SLC9A9: variants seen among roughly 807,000 people sequenced by gnomAD.
SLC9A9 encodes the protein solute carrier family 9 member A9, also known as sodium/hydrogen exchanger 9.
In SLC9A9, 62 loss-of-function variants were observed where a neutral mutation model predicts 77.8. That is an observed-to-expected ratio of 0.80 (90% confidence interval 0.65 to 0.98). The LOEUF (loss-of-function observed/expected upper bound fraction) is 0.98, where lower values mean the gene tolerates loss of function less well. Among genes scored for constraint, SLC9A9 ranks in the 50% least tolerant of loss-of-function variants. The pLI is 0.00. For missense variants in SLC9A9, 775 were observed against 774.9 expected, an observed-to-expected ratio of 1.00 and a Z score of 0.00; for synonymous variants, 320 against 283.5, an observed-to-expected ratio of 1.13 and a Z score of -1.29.
intron 13 of SLC9A9, among the ~76,000 whole-genome samples, chr3:143,373,605 T>TAAAA (rs67376157): frequency 0.014 from 815 of 58,446 alleles, 17 homozygotes; most frequent in South Asian, 0.054. Flanking sequence ...ACTGAAATAG[T>TAAAA]AAAAAAAAAA....
intron 9 of SLC9A9, among the ~76,000 whole-genome samples, chr3:143,537,654 T>C (rs528534191): frequency 2.6e-5 from 4 of 152,336 alleles, no homozygotes; most frequent in Non-Finnish European, 4.4e-5. Flanking sequence ...GAGTTGAGCA[T>C]CCACTCAAAT....
intron 14 of SLC9A9, among the ~76,000 whole-genome samples, chr3:143,291,453 C>A (rs1200442117): frequency 6.6e-6 from 1 of 152,206 alleles, no homozygotes; most frequent in Non-Finnish European, 1.5e-5. Context: ...ACCCTCACAT[C>A]ATCTCTCACT....
chr3:143,280,272 C>T (rs1938176768), intron 14 of SLC9A9, among the ~76,000 whole-genome samples: 1 of 152,172 alleles, frequency 6.6e-6, no homozygotes, highest in Non-Finnish European at 1.5e-5. Flanking sequence ...AATGAATACA[C>T]ACACACTTCC....
chr3:143,616,783 A>G (rs1431368665), intron 6 of SLC9A9, among the ~76,000 whole-genome samples: 2 of 152,074 alleles, frequency 1.3e-5, no homozygotes, highest in Non-Finnish European at 2.9e-5. Context: ...CACCTTAGAA[A>G]CCTCTCATAA....
At chr3:143,673,406 G>T (rs2039189762) in intron 5 of SLC9A9, among the ~76,000 whole-genome samples, 1 of 152,092 alleles carries the variant, frequency 6.6e-6, no homozygotes, top group African/African-American at 2.4e-5. Context: ...CTGCAATAAG[G>T]TATAGATGGT....
chr3:143,695,854 C>A (rs139063428), intron 4 of SLC9A9, among the ~76,000 whole-genome samples: 1 of 152,020 alleles, frequency 6.6e-6, no homozygotes, highest in African/African-American at 2.4e-5. Flanking sequence ...TTCTAACTGG[C>A]GTGAGATGGT....
intron 8 of SLC9A9, among the ~76,000 whole-genome samples, chr3:143,568,919 C>T (rs1298325101): frequency 6.6e-6 from 1 of 151,734 alleles, no homozygotes; most frequent in African/African-American, 2.4e-5. Flanking sequence ...AAAGAAGTTC[C>T]CATTTACTGT....
At chr3:143,667,213 C>A (rs2108761831) in intron 5 of SLC9A9, among the ~76,000 whole-genome samples, 1 of 152,080 alleles carries the variant, frequency 6.6e-6, no homozygotes, top group South Asian at 2.1e-4. Context: ...ACAAACCTGA[C>A]CAAAAAAGAA....
chr3:143,627,941 T>C (rs1210566077), intron 6 of SLC9A9, among the ~76,000 whole-genome samples: 1 of 152,240 alleles, frequency 6.6e-6, no homozygotes, highest in Non-Finnish European at 1.5e-5. Context: ...GAGGTGAACA[T>C]TTACTTCTCC....
At chr3:143,619,992 T>C (rs2038174207) in intron 6 of SLC9A9, among the ~76,000 whole-genome samples, 2 of 152,164 alleles carry the variant, frequency 1.3e-5, no homozygotes, top group African/African-American at 4.8e-5. Context: ...TTTGGTCACC[T>C]AATACCTTCC....
intron 5 of SLC9A9, among the ~76,000 whole-genome samples, chr3:143,668,416 C>T (rs7629784): frequency 3.3e-5 from 5 of 151,472 alleles, no homozygotes; most frequent in Admixed American, 2.6e-4. Flanking sequence ...ACCAACATGG[C>T]GCATGTATAC....
At chr3:143,833,578 G>A (rs1017888927) in intron 1 of SLC9A9, among the ~76,000 whole-genome samples, 3 of 152,136 alleles carry the variant, frequency 2.0e-5, no homozygotes, top group Non-Finnish European at 4.4e-5. Context: ...GTAGCAGCAC[G>A]TAAGAGCAGA....
chr3:143,636,094 A>G (rs1474048897), intron 6 of SLC9A9, among the ~76,000 whole-genome samples: 1 of 152,150 alleles, frequency 6.6e-6, no homozygotes, highest in African/African-American at 2.4e-5. Flanking sequence ...GATATAGTTT[A>G]CTTGTGGGAG....
intron 4 of SLC9A9, among the ~76,000 whole-genome samples, chr3:143,734,214 AAG>A (rs1468956263): frequency 6.7e-6 from 1 of 150,368 alleles, no homozygotes; most frequent in Non-Finnish European, 1.5e-5. Context: ...ATAATAATAA[AAG>A]AAAAAAAAAA....
chr3:143,402,453 T>G (rs925801726), intron 12 of SLC9A9, among the ~76,000 whole-genome samples: 3 of 151,198 alleles, frequency 2.0e-5, no homozygotes, highest in East Asian at 3.9e-4. Context: ...TTGTGTTTTT[T>G]TTTTTTTTTT....
intron 11 of SLC9A9, among the ~76,000 whole-genome samples, chr3:143,486,420 G>T (rs570813318): frequency 6.6e-6 from 1 of 152,114 alleles, no homozygotes; most frequent in African/African-American, 2.4e-5. Context: ...TAGTATTATT[G>T]CATGGTTTGT....
chr3:143,554,544 G>T (rs573458032), intron 8 of SLC9A9, among the ~76,000 whole-genome samples: 2 of 152,264 alleles, frequency 1.3e-5, no homozygotes, highest in Non-Finnish European at 2.9e-5. Context: ...GGATTACAAC[G>T]ATAGCTTCCT....
At chr3:143,409,164 T>A (rs1363316981) in intron 12 of SLC9A9, among the ~76,000 whole-genome samples, 1 of 152,228 alleles carries the variant, frequency 6.6e-6, no homozygotes, top group African/African-American at 2.4e-5. Context: ...CATATTCAGT[T>A]ACCACCACTG....
At chr3:143,540,350 C>G (rs776165797) in intron 9 of SLC9A9, among the ~76,000 whole-genome samples, 3 of 152,166 alleles carry the variant, frequency 2.0e-5, no homozygotes, top group East Asian at 1.9e-4. Context: ...GAGACAGCAC[C>G]AATATTTTGG....
Sources: gnomAD v4.1 joint callset for allele counts (sites outside exome capture counted in the v4.1 genomes callset) on GRCh38, gnomAD v4.1.1 for gene constraint, MANE v1.5 for transcripts, NCBI Gene and HGNC (gene_info 2026-07-23, HGNC 2026-07-21) for gene names.